Variants in BIRC6 observed in about 807,000 individuals in gnomAD.
BIRC6 encodes the protein dual E2 ubiquitin-conjugating enzyme/E3 ubiquitin-protein ligase BIRC6.
BIRC6 carries 98 observed loss-of-function variants against 503.3 expected under a neutral mutation model. The observed-to-expected ratio is 0.19, with a 90% CI of 0.17 to 0.23. BIRC6 has a LOEUF of 0.23. BIRC6 is among the 10% of genes least tolerant of loss of function. The pLI is 1.00. For missense variants in BIRC6, 5,360 were observed against 5,806.0 expected (o/e 0.92, Z 2.50); for synonymous variants, 2,240 against 2,078.7 (o/e 1.08, Z -2.11).
rs996582570 is a variant in BIRC6, at chr2:32,467,913, T to C, written c.5582T>C (p.Ile1861Thr). 3.1e-6 allele frequency: 5 copies of C among 1,612,356 alleles called. No individual in the cohort carries two copies. The highest frequency in any genetic ancestry group is 1.3e-5 in the African/African-American group (1 of 74,882). The change falls in exon 28 of 74, where the codon ATT becomes ACT. Residue 1861 changes from isoleucine (I) to threonine (T), a missense_variant. Transcript: ENST00000421745. ...AATTTTTCATTTCAGATCACTGTTA[T>C]TGGACGTTACGGGAGTACAAATGCC... ...PVCRFMKITV[I>T]GRYGSTNARA...
chr2:32,383,393 G>A (rs2037977599), intron 3 of BIRC6, among the ~76,000 whole-genome samples: 1 of 152,120 alleles, frequency 6.6e-6, no homozygotes, highest in Admixed American at 6.5e-5. Context: ...TAGTCAAGAA[G>A]ATATCTAATT....
chr2:32,546,366 G>T (rs1171269998), intron 63 of BIRC6, among the ~76,000 whole-genome samples: 1 of 152,102 alleles, frequency 6.6e-6, no homozygotes, highest in African/African-American at 2.4e-5. Flanking sequence ...GATAGCCTGA[G>T]GTCAGGAGTT....
chr2:32,575,995 G>C (rs2060243036), intron 66 of BIRC6, among the ~76,000 whole-genome samples: 2 of 152,164 alleles, frequency 1.3e-5, no homozygotes, highest in South Asian at 4.1e-4. Flanking sequence ...GTTGATGTCA[G>C]AGACATCTTT....
At chr2:32,592,277 A>C (rs960336779) in intron 66 of BIRC6, among the ~76,000 whole-genome samples, 3 of 152,218 alleles carry the variant, frequency 2.0e-5, no homozygotes, top group East Asian at 1.9e-4. Flanking sequence ...AGGGAAGATA[A>C]GAAGAGAGCA....
At chr2:32,439,399 C>G in intron 15 of BIRC6, 109 bp from the exon 16 acceptor site, 1 of 1,081,088 alleles carries the variant, frequency 9.2e-7, no homozygotes, top group East Asian at 2.6e-5. Context: ...AAGTTCTGGC[C>G]TACTGTACTT....
intron 62 of BIRC6, among the ~76,000 whole-genome samples, chr2:32,544,014 T>G (rs2150291461): frequency 6.6e-6 from 1 of 152,216 alleles, no homozygotes; most frequent in South Asian, 2.1e-4. Context: ...AAGGACAGAT[T>G]AGATTTAGGT....
intron 16 of BIRC6, 61 bp downstream of exon 16, chr2:32,439,747 A>C: frequency 6.8e-7 from 1 of 1,463,110 alleles, no homozygotes; most frequent in Non-Finnish European, 9.4e-7. Context: ...ATCAGATTTA[A>C]CACACTATTA....
intron 6 of BIRC6, among the ~76,000 whole-genome samples, chr2:32,398,403 A>G (rs1308179026): frequency 6.6e-6 from 1 of 152,178 alleles, no homozygotes; most frequent in Non-Finnish European, 1.5e-5. Context: ...ACCCTCAGTA[A>G]CTTTCAGATA....
At chr2:32,427,827 T>C (rs975847944) in intron 10 of BIRC6, among the ~76,000 whole-genome samples, 1 of 152,132 alleles carries the variant, frequency 6.6e-6, no homozygotes, top group Non-Finnish European at 1.5e-5. Flanking sequence ...TTACTGGACA[T>C]TTAAAACAAC....
chr2:32,412,153 T>C (rs1190008781), intron 9 of BIRC6, among the ~76,000 whole-genome samples: 1 of 152,094 alleles, frequency 6.6e-6, no homozygotes, highest in Non-Finnish European at 1.5e-5. Flanking sequence ...GTATAGAAAC[T>C]GAGTTCTGAG....
chr2:32,474,840 T>C (rs1261429955), intron 33 of BIRC6, among the ~76,000 whole-genome samples: 1 of 152,216 alleles, frequency 6.6e-6, no homozygotes, highest in East Asian at 1.9e-4. Flanking sequence ...TATGTGTACA[T>C]GCTAGTTTTA....
At chr2:32,461,202 T>C (rs34480609) in intron 23 of BIRC6, among the ~76,000 whole-genome samples, 9,932 of 9,934 alleles carry the variant, frequency 1, 4,965 homozygotes, top group Middle Eastern at 1. Flanking sequence ...CCCTTCCCTT[T>C]TTTCTAACTC....
chr2:32,467,467 G>C, intron 26 of BIRC6, 58 bp from the exon 27 acceptor site: 1 of 1,297,970 alleles, frequency 7.7e-7, no homozygotes, highest in Non-Finnish European at 1.1e-6. Context: ...TTATTTTTGA[G>C]TGTATCATTT....
At position 32,607,545 on chromosome 2, in the gene BIRC6, A is replaced by G; in HGVS notation, c.14161A>G (p.Thr4721Ala). ...ACGGTCTAGAGGCACTCCCAGTGGC[A>G]CACAGAGTTCTCGAGAATATGATGG... ...YERSRGTPSG[T>A]QSSREYDGNI... Residue 4721 changes from threonine (T) to alanine (A), a missense_variant, in exon 72 of 74, where the codon ACA (threonine) becomes GCA (alanine). By Grantham distance (58) the Thr-to-Ala change is moderately conservative. Coordinates refer to ENST00000421745, the MANE Select transcript of BIRC6 (RefSeq NM_016252.4). 1.9e-6 allele frequency: 3 copies of G among 1,613,924 alleles called. No individual in the cohort carries two copies. Among genetic ancestry groups the G allele is most frequent in the African/African-American group, 1.3e-5 (1 of 75,064 alleles).
At position 32,468,492 on chromosome 2, in the gene BIRC6, C is replaced by T. The variant is rs142490470; in HGVS notation, c.5836C>T (p.Pro1946Ser). The change falls in exon 29 of 74, where the codon CCT (proline) becomes TCT (serine). Residue 1946 changes from proline (P) to serine (S), a missense_variant. Pro to Ser is a moderately conservative substitution (Grantham distance 74). Around this residue, in one of 16 missense-constraint regions of BIRC6, gnomAD observed 2,299 missense variants for 2,267.2 expected, o/e 1.01. Coordinates refer to ENST00000421745, the MANE Select transcript of BIRC6 (RefSeq NM_016252.4). The part of the protein sequence containing the change: ...ETLLQSIDLP[P>S]LNSANNAQYF... ...CCTTTTGCAAAGTATTGATCTTCCTCCTCTAAACAGTGCTAACAATGCACA... is the reference window on the plus strand; with the variant it reads ...CCTTTTGCAAAGTATTGATCTTCCTTCTCTAAACAGTGCTAACAATGCACA... The T allele has an allele frequency of 5.3e-5, 86 of 1,613,080 alleles. No individual in the cohort carries two copies. The highest frequency in any genetic ancestry group is 7.2e-5 in the Non-Finnish European group (85 of 1,179,450).
At chr2:32,503,279 A>G (rs2053408115) in intron 49 of BIRC6, 43 bp downstream of exon 49, 4 of 1,514,650 alleles carry the variant, frequency 2.6e-6, no homozygotes, top group East Asian at 2.3e-5. Flanking sequence ...GAAATTATCT[A>G]GTTTATTAGC....
chr2:32,562,434 A>G (rs1027623200), intron 65 of BIRC6, among the ~76,000 whole-genome samples: 2 of 152,228 alleles, frequency 1.3e-5, no homozygotes, highest in Non-Finnish European at 2.9e-5. Flanking sequence ...TTGATGAACT[A>G]ATAGTGGTAT....
At chr2:32,405,749 C>A (rs2041134344) in intron 8 of BIRC6, among the ~76,000 whole-genome samples, 1 of 152,174 alleles carries the variant, frequency 6.6e-6, no homozygotes, top group Non-Finnish European at 1.5e-5. Context: ...AACATACACA[C>A]TTGCTTATAC....
intron 65 of BIRC6, chr2:32,557,434 G>A (rs932458240): frequency 6.6e-6 from 1 of 152,060 alleles, no homozygotes; most frequent in Non-Finnish European, 1.5e-5. Context: ...ACTAAATCTT[G>A]TATGTTTTGG....
Sources: gnomAD v4.1 joint callset for allele counts (sites outside exome capture counted in the v4.1 genomes callset) on GRCh38, gnomAD v4.1.1 for gene constraint, gnomAD v4.1.1 regional missense constraint, MANE v1.5 for transcripts, NCBI Gene and HGNC (gene_info 2026-07-23, HGNC 2026-07-21) for gene names.